Variants in IPCEF1 observed in about 807,000 individuals in gnomAD.
IPCEF1 encodes interactor protein for cytohesin exchange factors 1.
A neutral mutation model predicts 50.9 loss-of-function variants in IPCEF1; 31 were observed. The observed-to-expected ratio is 0.61, with a 90% CI of 0.46 to 0.82. The LOEUF (loss-of-function observed/expected upper bound fraction) is 0.82. IPCEF1 is among the 40% of genes least tolerant of loss of function. IPCEF1 has a pLI of 0.00. For missense variants in IPCEF1, 458 were observed against 514.0 expected, an observed-to-expected ratio of 0.89 and a Z score of 1.05; for synonymous variants, 181 against 192.0, an observed-to-expected ratio of 0.94 and a Z score of 0.47.
chr6:154,317,420 G>T (rs925956475), intron 1 of IPCEF1, among the ~76,000 whole-genome samples: 2 of 151,416 alleles, frequency 1.3e-5, no homozygotes, highest in Non-Finnish European at 2.9e-5. Flanking sequence ...ATGGTGGCAG[G>T]CTCCTGTAAT....
In IPCEF1 at chr6:154,200,059, A is replaced by G. The variant is rs749374468; in HGVS notation, c.538-19T>C. On this transcript the variant is annotated intron_variant, in intron 9 of 11. Coordinates refer to ENST00000367220, the MANE Select transcript of IPCEF1 (RefSeq NM_001130700.2). ...GTGCAGTCTATTTTTCACAAATAAA[A>G]CCAAAAAAAGAATAAAAGACATCAT... 39 of 1,569,024 alleles carry G rather than the reference A, an allele frequency of 2.5e-5. No individual in the cohort carries two copies. The Admixed American group carries it at 6.7e-4, about 27-fold the overall frequency.
chr6:154,288,653 C>G (rs1782426411), intron 2 of IPCEF1, among the ~76,000 whole-genome samples: 1 of 127,672 alleles, frequency 7.8e-6, no homozygotes. Flanking sequence ...CAGAGCAAGA[C>G]TCTGTCTAAA....
chr6:154,318,877 G>A (rs1360919041), intron 1 of IPCEF1, among the ~76,000 whole-genome samples: 3 of 152,068 alleles, frequency 2.0e-5, no homozygotes, highest in Non-Finnish European at 4.4e-5. Flanking sequence ...CACTGGCCAC[G>A]TTAGCCAACC....
At chr6:154,351,246 T>C (rs1380246860) in intron 1 of IPCEF1, among the ~76,000 whole-genome samples, 1 of 152,154 alleles carries the variant, frequency 6.6e-6, no homozygotes, top group Non-Finnish European at 1.5e-5. Context: ...AAAATTAGAT[T>C]GGGTATTGTT....
In IPCEF1 at chr6:154,168,291, T is replaced by C. The variant is rs183007736; in HGVS notation, c.911-178A>G. Among the ~76,000 whole-genome samples, 1 of 152,336 alleles carries C rather than the reference T, an allele frequency of 6.6e-6. No individual in the cohort carries two copies. The highest frequency in any genetic ancestry group is 1.5e-5 in the Non-Finnish European group (1 of 68,032). ...AAGCCACCCAGTTTGCGATACTTTG[T>C]TACTGCAGAGCCACGTTCCCTGTGA... On this transcript the variant is annotated intron_variant, in intron 10 of 11. Coordinates refer to ENST00000367220, the MANE Select transcript of IPCEF1 (RefSeq NM_001130700.2). The surrounding 1 kb of genome is among the most constrained non-coding windows in gnomAD (Gnocchi z 4.1).
chr6:154,288,133 G>A (rs1002031345), intron 2 of IPCEF1, among the ~76,000 whole-genome samples: 7 of 152,190 alleles, frequency 4.6e-5, no homozygotes, highest in African/African-American at 1.7e-4. Context: ...GAAAAAGAAA[G>A]AGAAGGGCAA....
Position 154,331,626 on chromosome 6 carries a change from T to C in IPCEF1, c.-62+25046A>G, listed in dbSNP as rs115863272. 5.7e-3 allele frequency among the ~76,000 whole-genome samples: 868 copies of C among 152,272 alleles called. 13 individuals are homozygous for C. The highest frequency in any genetic ancestry group is 0.019 in the African/African-American group (804 of 41,558). On this transcript the variant is annotated intron_variant, in intron 1 of 11. Transcript: ENST00000367220. Reference sequence around the variant, plus strand: ...ACACCCGAAGCTGGTGATCAGCAGCTTCCCAATAAGATCCCAGGCATTGGA... The same window carrying C: ...ACACCCGAAGCTGGTGATCAGCAGCCTCCCAATAAGATCCCAGGCATTGGA...
intron 1 of IPCEF1, among the ~76,000 whole-genome samples, chr6:154,296,264 G>A (rs1328152881): frequency 6.6e-6 from 1 of 152,284 alleles, no homozygotes; most frequent in East Asian, 1.9e-4. Context: ...AGGAACACCA[G>A]AGGCAGGGGA....
chr6:154,160,566 G>A lies in IPCEF1; in HGVS notation c.1105-526C>T, dbSNP rs137950689. On this transcript the variant is annotated intron_variant, in intron 11 of 11. Coordinates refer to ENST00000367220, the MANE Select transcript of IPCEF1 (RefSeq NM_001130700.2). ...AGATTATCTTTTCAGTCAAAGAAGA[G>A]GCTACTAACCTTCCATCAAAACAGT... Among the ~76,000 whole-genome samples, 7 of 152,194 alleles carry A rather than the reference G, an allele frequency of 4.6e-5. No homozygotes were observed. The East Asian group carries it at 9.6e-4, about 21-fold the overall frequency.
At chr6:154,351,345 G>T (rs1216936457) in intron 1 of IPCEF1, among the ~76,000 whole-genome samples, 1 of 151,948 alleles carries the variant, frequency 6.6e-6, no homozygotes, top group South Asian at 2.1e-4. Flanking sequence ...TGGTTCTGAG[G>T]TCCCCCCAGT....
chr6:154,164,082 A>G (rs1583679732), intron 11 of IPCEF1, among the ~76,000 whole-genome samples: 1 of 152,352 alleles, frequency 6.6e-6, no homozygotes, highest in East Asian at 1.9e-4. Flanking sequence ...TACTGCTATT[A>G]ATGTAAAGTT....
At chr6:154,213,904 T>C (rs904529083) in intron 8 of IPCEF1, among the ~76,000 whole-genome samples, 7 of 152,210 alleles carry the variant, frequency 4.6e-5, no homozygotes, top group African/African-American at 1.4e-4. Flanking sequence ...CGAGATCATG[T>C]CTATCAGTAA....
At chr6:154,210,172 T>C (rs923926275) in intron 9 of IPCEF1, among the ~76,000 whole-genome samples, 3 of 152,232 alleles carry the variant, frequency 2.0e-5, no homozygotes, top group African/African-American at 7.2e-5. Flanking sequence ...CCCTCCATGA[T>C]ATGGCTACTC....
chr6:154,226,243 T>C (rs1454935463), intron 5 of IPCEF1, among the ~76,000 whole-genome samples: 1 of 152,294 alleles, frequency 6.6e-6, no homozygotes, highest in South Asian at 2.1e-4. Flanking sequence ...ATCACCACTG[T>C]CCACATATAT....
chr6:154,316,248 A>T (rs1393847555), intron 1 of IPCEF1, among the ~76,000 whole-genome samples: 4 of 152,138 alleles, frequency 2.6e-5, no homozygotes, highest in Non-Finnish European at 5.9e-5. Flanking sequence ...AGGGAAGCAC[A>T]TTTTTTTAGA....
chr6:154,236,532 T>C (rs1272541327), intron 5 of IPCEF1, among the ~76,000 whole-genome samples: 1 of 152,208 alleles, frequency 6.6e-6, no homozygotes, highest in Non-Finnish European at 1.5e-5. Flanking sequence ...CCCTTAAAAA[T>C]GGCTAAGATG....
At chr6:154,310,562 G>A (rs1278347862) in intron 1 of IPCEF1, among the ~76,000 whole-genome samples, 1 of 152,128 alleles carries the variant, frequency 6.6e-6, no homozygotes, top group East Asian at 1.9e-4. Context: ...ATTGAAATTA[G>A]TATGTCAAAG....
intron 10 of IPCEF1, among the ~76,000 whole-genome samples, chr6:154,179,265 G>C (rs1800628645): frequency 1.3e-5 from 2 of 152,124 alleles, no homozygotes; most frequent in Non-Finnish European, 1.5e-5. Context: ...ACTACAGCAG[G>C]CTTGTCAAAC....
intron 5 of IPCEF1, among the ~76,000 whole-genome samples, chr6:154,245,115 G>A (rs1384288428): frequency 6.6e-6 from 1 of 152,126 alleles, no homozygotes; most frequent in Non-Finnish European, 1.5e-5. Context: ...ACAGACCCAG[G>A]TTGCCTCAAT....
Sources: allele counts gnomAD v4.1 joint callset (sites outside exome capture counted in the v4.1 genomes callset), GRCh38; gene constraint gnomAD v4.1.1; non-coding constraint Gnocchi (gnomAD v3.1); transcripts MANE v1.5; gene names NCBI Gene and HGNC (gene_info 2026-07-23, HGNC 2026-07-21).